The following GAPVD1 variants were observed in gnomAD, a reference collection of about 807,000 sequenced individuals.
The protein encoded by GAPVD1 is GTPase activating protein and VPS9 domains 1, also known as GTPase-activating protein and VPS9 domain-containing protein 1.
Under a neutral mutation model 155.5 loss-of-function variants are expected in GAPVD1, and 35 were observed. The observed-to-expected ratio is 0.23, with a 90% confidence interval of 0.17 to 0.30. GAPVD1 has a LOEUF of 0.30. GAPVD1 is among the 10% of genes least tolerant of loss of function. The probability of loss-of-function intolerance (pLI) is 1.00; values close to 1 mark genes in which losing one functional copy is unlikely to be tolerated. For missense variants in GAPVD1, 1,429 were observed against 1,775.7 expected (o/e 0.80, Z 3.51); for synonymous variants, 636 against 619.7 (o/e 1.03, Z -0.39).
chr9:125,317,020 T>C (rs1341414230), intron 9 of GAPVD1, among the ~76,000 whole-genome samples: 1 of 152,098 alleles, frequency 6.6e-6, no homozygotes, highest in Non-Finnish European at 1.5e-5. Flanking sequence ...AAAAAGTTAA[T>C]AGAAAATGTC....
chr9:125,271,456 C>T (rs945158034), intron 2 of GAPVD1, among the ~76,000 whole-genome samples: 1 of 152,074 alleles, frequency 6.6e-6, no homozygotes, highest in African/African-American at 2.4e-5. Context: ...GCATATTAGT[C>T]TTTTTCCTTT....
At position 125,277,570 on chromosome 9, in the gene GAPVD1, A is replaced by G. The variant is rs530993418; in HGVS notation, c.-150+8586A>G. Among the ~76,000 whole-genome samples, 3 of 152,316 alleles carry G rather than the reference A, an allele frequency of 2.0e-5. No individual in the cohort carries two copies. In the South Asian group the frequency reaches 6.2e-4, roughly 32 times the overall value. ...AGGTAATATGCCCTCCATCAAGATC[A>G]GACCTTGCCTGTCTTGTTCATCAGT... On this transcript the variant is annotated intron_variant, in intron 2 of 27. Transcript: ENST00000297933.
chr9:125,349,723 G>T (rs536572683), intron 21 of GAPVD1, among the ~76,000 whole-genome samples: 29 of 152,242 alleles, frequency 1.9e-4, no homozygotes, highest in African/African-American at 6.7e-4. Context: ...AACTCGCTGG[G>T]CGTGGTGGCT....
intron 14 of GAPVD1, 28 bp downstream of exon 14, chr9:125,332,088 G>A: frequency 6.2e-7 from 1 of 1,608,572 alleles, no homozygotes; most frequent in South Asian, 1.1e-5. Flanking sequence ...TAAGGAGTAG[G>A]GATTTGAAGG....
At chr9:125,322,984 C>T (rs1441262597) in intron 10 of GAPVD1, among the ~76,000 whole-genome samples, 23 of 141,792 alleles carry the variant, frequency 1.6e-4, no homozygotes, top group Non-Finnish European at 2.1e-4. Context: ...ACCAGGGAGG[C>T]GGAGGTTGCA....
At chr9:125,337,706 T>G in intron 17 of GAPVD1, 115 bp downstream of exon 17, 1 of 1,077,400 alleles carries the variant, frequency 9.3e-7, no homozygotes, top group Non-Finnish European at 1.3e-6. Context: ...TAGTCATGAT[T>G]AAAGATGATT....
At chr9:125,297,006 C>A (rs1279412346) in intron 3 of GAPVD1, among the ~76,000 whole-genome samples, 1 of 152,134 alleles carries the variant, frequency 6.6e-6, no homozygotes, top group Non-Finnish European at 1.5e-5. Flanking sequence ...CCCAGACACA[C>A]AATATTATGT....
intron 25 of GAPVD1, among the ~76,000 whole-genome samples, chr9:125,357,924 A>C (rs1850331143): frequency 6.6e-6 from 1 of 151,674 alleles, no homozygotes; most frequent in African/African-American, 2.4e-5. Flanking sequence ...GCAGAGAGCC[A>C]AGATCACACC....
chr9:125,318,901 C>T (rs766608025), intron 9 of GAPVD1, among the ~76,000 whole-genome samples: 5 of 151,846 alleles, frequency 3.3e-5, no homozygotes, highest in Non-Finnish European at 4.4e-5. Flanking sequence ...ATAGGCCAGG[C>T]GCAGTGGCTC....
intron 18 of GAPVD1, chr9:125,341,482 A>G (rs1004959368): frequency 2.3e-6 from 1 of 432,696 alleles, no homozygotes; most frequent in Non-Finnish European, 4.1e-6. Flanking sequence ...GGTTTCATAA[A>G]TGGAAGTCAT....
Position 125,355,704 on chromosome 9 carries a change from T to A in GAPVD1, c.3818T>A (p.Phe1273Tyr). 3.1e-6 allele frequency: 5 copies of A among 1,613,958 alleles called. No homozygotes were observed. Among genetic ancestry groups the A allele is most frequent in the Non-Finnish European group, 4.2e-6 (5 of 1,179,808 alleles). The change falls in exon 25 of 28, where the codon TTT becomes TAT. Residue 1273 changes from phenylalanine to tyrosine, a missense_variant. Phe to Tyr is a conservative substitution (Grantham distance 22). Transcript: ENST00000297933. ...KTAQVEDFLQ[F>Y]LYGAMAQDVI... ...GCTCAGGTAGAAGATTTTCTGCAGTTTCTTTATGGTGCAATGGCCCAGGAT... is the reference window on the plus strand; with the variant it reads ...GCTCAGGTAGAAGATTTTCTGCAGTATCTTTATGGTGCAATGGCCCAGGAT...
chr9:125,346,544 G>A (rs955867209), intron 19 of GAPVD1: 9 of 472,870 alleles, frequency 1.9e-5, no homozygotes, highest in South Asian at 4.6e-5. Flanking sequence ...TTAGAAATCC[G>A]TCATCCATTC....
chr9:125,321,940 A>G (rs1361758456), intron 10 of GAPVD1, among the ~76,000 whole-genome samples: 1 of 152,214 alleles, frequency 6.6e-6, no homozygotes, highest in Non-Finnish European at 1.5e-5. Context: ...ATACTCTTAA[A>G]TGTTCTGTAT....
chr9:125,332,189 T>C (rs368900577), intron 14 of GAPVD1, 129 bp downstream of exon 14: 1 of 906,904 alleles, frequency 1.1e-6, no homozygotes, highest in South Asian at 1.7e-5. Flanking sequence ...AACAAACTTA[T>C]TTCCATTGCA....
chr9:125,316,645 G>T (rs1301124002), intron 9 of GAPVD1, among the ~76,000 whole-genome samples: 1 of 152,174 alleles, frequency 6.6e-6, no homozygotes, highest in African/African-American at 2.4e-5. Context: ...ATTGTTGATG[G>T]GCATTTGGGT....
At chr9:125,328,262 G>A (rs1845512173) in intron 12 of GAPVD1, among the ~76,000 whole-genome samples, 1 of 137,180 alleles carries the variant, frequency 7.3e-6, no homozygotes, top group East Asian at 2.1e-4. Flanking sequence ...GGATTTGGCA[G>A]GGTCATGGGA....
chr9:125,321,476 C>T lies in GAPVD1; in HGVS notation c.1646C>T (p.Pro549Leu). ...TCGGATGGAGGACAAGGAGATGTCC[C>T]TGTTGATGAAAACAAACTCCATGGT... ...QLSDGGQGDVPVDENKLHGKP... is the reference protein window; with the variant it reads ...QLSDGGQGDVLVDENKLHGKP... The change falls in exon 10 of 28, where the codon CCT (proline) becomes CTT (leucine). Residue 549 changes from proline to leucine, a missense_variant. By Grantham distance (98) the Pro-to-Leu change is moderately conservative. Around this residue, in one of 4 missense-constraint regions of GAPVD1, gnomAD observed 628 missense variants for 733.4 expected, o/e 0.86. Coordinates refer to ENST00000297933, the MANE Select transcript of GAPVD1 (RefSeq NM_001282680.3). The T allele has an allele frequency of 6.2e-7, 1 of 1,609,832 alleles. No homozygotes were observed. The highest frequency in any genetic ancestry group is 8.5e-7 in the Non-Finnish European group (1 of 1,176,164).
chr9:125,322,907 G>A (rs988740208), intron 10 of GAPVD1, among the ~76,000 whole-genome samples: 9 of 151,846 alleles, frequency 5.9e-5, no homozygotes, highest in Non-Finnish European at 1.3e-4. Context: ...CAACAAATTA[G>A]CTGGGTGTGG....
intron 2 of GAPVD1, among the ~76,000 whole-genome samples, chr9:125,280,450 G>A (rs553567061): frequency 3.3e-5 from 5 of 150,552 alleles, no homozygotes; most frequent in African/African-American, 4.9e-5. Flanking sequence ...TGAAAAGCCC[G>A]TAGTTGGTGT....
Sources: gnomAD v4.1 joint callset for allele counts (sites outside exome capture counted in the v4.1 genomes callset) on GRCh38, gnomAD v4.1.1 for gene constraint, gnomAD v4.1.1 regional missense constraint, MANE v1.5 for transcripts, NCBI Gene and HGNC (gene_info 2026-07-23, HGNC 2026-07-21) for gene names.